The following MICU2 variants were observed in gnomAD, a reference collection of about 807,000 sequenced individuals.
MICU2 encodes the protein mitochondrial calcium uptake 2.
MICU2 carries 64 observed loss-of-function variants against 60.4 expected under a neutral mutation model. That is an observed-to-expected ratio of 1.06 (90% CI 0.87 to 1.31). The LOEUF is 1.31. Among genes scored for constraint, MICU2 ranks in the 50% most tolerant of loss-of-function variants. MICU2 has a pLI of 0.00. For synonymous variants in MICU2, 201 were observed against 175.0 expected, an observed-to-expected ratio of 1.15 and a Z score of -1.17; for missense variants, 569 against 531.0, an observed-to-expected ratio of 1.07 and a Z score of -0.70.
At chr13:21,530,755 C>T (rs576477494) in intron 4 of MICU2, 330 of 573,350 alleles carry the variant, frequency 5.8e-4, no homozygotes, top group Non-Finnish European at 7.8e-4. Context: ...AGCCCCCACC[C>T]CAGCCATACC....
In MICU2 at chr13:21,574,838, A is replaced by G. The variant is rs529001330; in HGVS notation, c.211-7894T>C. Among the ~76,000 whole-genome samples, 189 of 152,372 alleles carry G rather than the reference A, an allele frequency of 1.2e-3. 4 individuals are homozygous for G. The South Asian group carries it at 0.038, about 31-fold the overall frequency. On this transcript the variant is annotated intron_variant, in intron 1 of 11. Transcript: ENST00000382374. ...CTTTCCTTCTTAAAGAAACCTTTAC[A>G]ATCAGAAATTTTCATTTGACACAAC...
chr13:21,600,363 C>T (rs1888786719), intron 1 of MICU2, among the ~76,000 whole-genome samples: 1 of 152,196 alleles, frequency 6.6e-6, no homozygotes, highest in South Asian at 2.1e-4. Flanking sequence ...TGCAGTCACC[C>T]TCCAGGTGTC....
intron 2 of MICU2, among the ~76,000 whole-genome samples, chr13:21,541,183 A>G (rs1236420708): frequency 6.6e-6 from 1 of 152,096 alleles, no homozygotes; most frequent in African/African-American, 2.4e-5. Context: ...TTTCTTAGAA[A>G]TCAGATTATT....
At chr13:21,538,591 C>A (rs563443113) in intron 4 of MICU2, among the ~76,000 whole-genome samples, 4 of 141,888 alleles carry the variant, frequency 2.8e-5, no homozygotes, top group African/African-American at 1.0e-4. Flanking sequence ...CCCCAAACAA[C>A]CCACACCAAT....
intron 1 of MICU2, among the ~76,000 whole-genome samples, chr13:21,571,693 G>C (rs1888114627): frequency 6.6e-6 from 1 of 152,208 alleles, no homozygotes; most frequent in South Asian, 2.1e-4. Flanking sequence ...GCGAGACTGC[G>C]TCTCAAAAGG....
intron 4 of MICU2, chr13:21,530,860 T>C: frequency 1.4e-6 from 1 of 739,744 alleles, no homozygotes; most frequent in East Asian, 2.6e-5. Context: ...GAGCCTGGAC[T>C]CACCCTCCTA....
In MICU2 at chr13:21,508,017, G is replaced by T. The variant is rs548069727; in HGVS notation, c.761+1987C>A. ...CTTGGATTTTCATGCATTCTTCTTC[G>T]TTCCTTAAATCTAATCAATCACTGA... On this transcript the variant is annotated intron_variant, in intron 8 of 11. Coordinates refer to ENST00000382374, the MANE Select transcript of MICU2 (RefSeq NM_152726.3). Among the ~76,000 whole-genome samples, 437 of 151,334 alleles carry T rather than the reference G, an allele frequency of 2.9e-3. 4 individuals carry two copies. The South Asian group carries it at 0.039, about 14-fold the overall frequency.
At chr13:21,512,279 A>G (rs1018818307) in intron 7 of MICU2, among the ~76,000 whole-genome samples, 1 of 152,008 alleles carries the variant, frequency 6.6e-6, no homozygotes, top group African/African-American at 2.4e-5. Context: ...TCCTTTGTCC[A>G]GTTTTTAATT....
Position 21,495,144 on chromosome 13 carries a change from TAAAA to T in MICU2, c.1200+13_1200+16del. 9 of 1,585,512 alleles carry T rather than the reference TAAAA, an allele frequency of 5.7e-6. No homozygotes were observed. Among genetic ancestry groups the T allele is most frequent in the Non-Finnish European group, 6.9e-6 (8 of 1,167,698 alleles). On this transcript the variant is annotated intron_variant, in intron 11 of 11. Transcript: ENST00000382374. ...AATGACAATGTAAACATGTATTATA[TAAAA>T]AAAATCTGTTACCCATAAACCTCGA... is the stretch of plus-strand genomic sequence containing the variant.
chr13:21,559,359 C>G (rs146588656), intron 2 of MICU2, among the ~76,000 whole-genome samples: 208 of 152,294 alleles, frequency 1.4e-3, no homozygotes, highest in Middle Eastern at 6.8e-3. Context: ...TAATATAACA[C>G]TGCTACTACA....
intron 2 of MICU2, among the ~76,000 whole-genome samples, chr13:21,559,429 G>A (rs1004540230): frequency 1.3e-5 from 2 of 152,012 alleles, no homozygotes; most frequent in Admixed American, 1.3e-4. Flanking sequence ...CATATAGAGT[G>A]TATATATAGG....
At chr13:21,554,596 G>A (rs1887655828) in intron 2 of MICU2, among the ~76,000 whole-genome samples, 1 of 152,044 alleles carries the variant, frequency 6.6e-6, no homozygotes, top group African/African-American at 2.4e-5. Flanking sequence ...ATCTAAAATT[G>A]ACACCCTAAC....
rs111791849 is a variant in MICU2 at position 21,509,975 on chromosome 13, C to T, written c.761+29G>A. 3.8e-6 allele frequency: 5 copies of T among 1,318,048 alleles called. No individual in the cohort carries two copies. The South Asian group carries it at 4.3e-5, about 11-fold the overall frequency. 81.6% of individuals were successfully genotyped at this position (1,318,048 alleles called of 1,614,324 possible). ...CTTTATTTCTTACCCATAAAATTTC[C>T]CTAAATGAATGTAAATATTTGCATT... On this transcript the variant is annotated intron_variant, in intron 8 of 11. Coordinates refer to ENST00000382374, the MANE Select transcript of MICU2 (RefSeq NM_152726.3).
chr13:21,577,619 C>T (rs1180150594), intron 1 of MICU2, among the ~76,000 whole-genome samples: 2 of 151,888 alleles, frequency 1.3e-5, no homozygotes, highest in African/African-American at 2.4e-5. Flanking sequence ...CAGTGGCCAA[C>T]ATGGTGAAAC....
intron 8 of MICU2, among the ~76,000 whole-genome samples, chr13:21,507,915 T>G (rs779480702): frequency 5.3e-5 from 8 of 151,910 alleles, no homozygotes; most frequent in African/African-American, 1.7e-4. Flanking sequence ...TTTTCTTTTC[T>G]TTTTCTTTCT....
intron 8 of MICU2, among the ~76,000 whole-genome samples, chr13:21,505,136 T>A (rs1358300176): frequency 6.6e-6 from 1 of 152,144 alleles, no homozygotes; most frequent in Non-Finnish European, 1.5e-5. Context: ...TTATTTTCAG[T>A]TTAAAAAATT....
At chr13:21,572,521 C>T (rs1888135973) in intron 1 of MICU2, among the ~76,000 whole-genome samples, 1 of 152,164 alleles carries the variant, frequency 6.6e-6, no homozygotes, top group East Asian at 1.9e-4. Context: ...TTGTAATTCA[C>T]ATTATCAGTG....
chr13:21,572,209 G>A (rs951630806), intron 1 of MICU2, among the ~76,000 whole-genome samples: 1 of 152,260 alleles, frequency 6.6e-6, no homozygotes. Flanking sequence ...ATGAGTGACT[G>A]TGGCATAAGT....
At chr13:21,552,589 C>T (rs1887599759) in intron 2 of MICU2, among the ~76,000 whole-genome samples, 2 of 152,204 alleles carry the variant, frequency 1.3e-5, no homozygotes, top group South Asian at 4.1e-4. Flanking sequence ...TTTAATTCAT[C>T]TTGAATTAAT....
Sources: allele counts gnomAD v4.1 joint callset (sites outside exome capture counted in the v4.1 genomes callset), GRCh38; gene constraint gnomAD v4.1.1; transcripts MANE v1.5; gene names NCBI Gene and HGNC (gene_info 2026-07-23, HGNC 2026-07-21).